Variants in MEI4 observed in about 807,000 individuals in gnomAD.
The protein encoded by MEI4 is meiosis-specific protein MEI4.
A neutral mutation model predicts 31.4 loss-of-function variants in MEI4; 27 were observed. That is an observed-to-expected ratio of 0.86 (90% CI 0.63 to 1.19). The LOEUF (loss-of-function observed/expected upper bound fraction) is 1.19, where lower values mean the gene tolerates loss of function less well. Among genes scored for constraint, MEI4 ranks in the 50% most tolerant of loss-of-function variants. The pLI, the probability that MEI4 is intolerant of heterozygous loss-of-function variation, is 0.00. For missense variants in MEI4, 329 were observed against 398.9 expected, an observed-to-expected ratio of 0.82 and a Z score of 1.49; for synonymous variants, 122 against 145.4, an observed-to-expected ratio of 0.84 and a Z score of 1.16.
intron 4 of MEI4, among the ~76,000 whole-genome samples, chr6:77,880,621 C>T (rs1346763842): frequency 2.0e-5 from 3 of 152,156 alleles, no homozygotes; most frequent in East Asian, 3.9e-4. Context: ...TTTTTGCTTA[C>T]TCTGAAAGAA....
intron 3 of MEI4, among the ~76,000 whole-genome samples, chr6:77,796,561 A>G (rs1769081337): frequency 6.6e-6 from 1 of 152,204 alleles, no homozygotes; most frequent in African/African-American, 2.4e-5. Context: ...GTGCTTCTAT[A>G]CACTAACAAC....
chr6:77,693,397 C>A (rs1769196426), intron 2 of MEI4, among the ~76,000 whole-genome samples: 2 of 152,036 alleles, frequency 1.3e-5, no homozygotes, highest in African/African-American at 2.4e-5. Context: ...ATCCAAGGGT[C>A]TATTCATAAT....
intron 2 of MEI4, among the ~76,000 whole-genome samples, chr6:77,732,040 A>G (rs1355948359): frequency 2.7e-5 from 4 of 148,328 alleles, no homozygotes; most frequent in African/African-American, 5.1e-5. Flanking sequence ...GCTTTGTAGT[A>G]TAGTTTGAAG....
chr6:77,715,702 G>A (rs1430334691), intron 2 of MEI4, among the ~76,000 whole-genome samples: 3 of 152,276 alleles, frequency 2.0e-5, no homozygotes, highest in Middle Eastern at 3.4e-3. Context: ...CTTAAAAAGA[G>A]TGTTAGCTAT....
chr6:77,878,643 G>A (rs1289828434), intron 4 of MEI4, among the ~76,000 whole-genome samples: 1 of 45,104 alleles, frequency 2.2e-5, no homozygotes, highest in South Asian at 4.4e-4. Context: ...GTTTGCTGTT[G>A]TATTCTGTTT....
intron 4 of MEI4, among the ~76,000 whole-genome samples, chr6:77,859,210 T>C (rs899454707): frequency 7.2e-5 from 11 of 152,228 alleles, no homozygotes; most frequent in Admixed American, 7.2e-4. Flanking sequence ...TCCCTTTTTA[T>C]GGCTGCATAG....
rs557356577 is a variant in MEI4 at position 77,743,825 on chromosome 6, A to C, written c.233-17305A>C. On this transcript the variant is annotated intron_variant, in intron 2 of 4. Coordinates refer to ENST00000684080, the MANE Select transcript of MEI4 (RefSeq NM_001322247.2). ...TCGTGGTTCACAAAAATCTGCTGTT[A>C]TGCAGCCACCGCTGCTGATACGCAG... Among the ~76,000 whole-genome samples the C allele has an allele frequency of 1.4e-3, 213 of 152,318 alleles. 1 individual carries two copies. The highest frequency in any genetic ancestry group is 4.5e-3 in the African/African-American group (187 of 41,584).
At chr6:77,692,394 T>G (rs1252626171) in intron 2 of MEI4, among the ~76,000 whole-genome samples, 1 of 152,010 alleles carries the variant, frequency 6.6e-6, no homozygotes, top group African/African-American at 2.4e-5. Flanking sequence ...TCAGGTCTCT[T>G]TACTTGTTGC....
chr6:77,901,265 C>T (rs568698400), intron 4 of MEI4, among the ~76,000 whole-genome samples: 3 of 152,060 alleles, frequency 2.0e-5, no homozygotes, highest in Non-Finnish European at 4.4e-5. Context: ...AGGCTAGCAA[C>T]ATTTTTTTGA....
chr6:77,758,725 C>G (rs1430981221), intron 2 of MEI4, among the ~76,000 whole-genome samples: 3 of 152,186 alleles, frequency 2.0e-5, no homozygotes, highest in Non-Finnish European at 4.4e-5. Context: ...CCTATCTTCT[C>G]CAGGGCCATG....
At chr6:77,692,356 G>A (rs934804614) in intron 2 of MEI4, among the ~76,000 whole-genome samples, 5 of 151,952 alleles carry the variant, frequency 3.3e-5, no homozygotes, top group African/African-American at 1.2e-4. Flanking sequence ...TTGAGCTTAT[G>A]TTCACTGAGG....
At chr6:77,705,710 G>A (rs2127658094) in intron 2 of MEI4, among the ~76,000 whole-genome samples, 1 of 152,270 alleles carries the variant, frequency 6.6e-6, no homozygotes, top group South Asian at 2.1e-4. Context: ...ACAGGAAGGG[G>A]AATTATTACA....
chr6:77,737,600 C>T (rs531804854), intron 2 of MEI4, among the ~76,000 whole-genome samples: 3 of 151,986 alleles, frequency 2.0e-5, no homozygotes, highest in South Asian at 4.1e-4. Flanking sequence ...GGAGACCTTT[C>T]TGAGGAAGGG....
At chr6:77,817,209 G>A (rs1392155334) in intron 3 of MEI4, among the ~76,000 whole-genome samples, 1 of 152,024 alleles carries the variant, frequency 6.6e-6, no homozygotes, top group East Asian at 1.9e-4. Flanking sequence ...TATAGGTTAG[G>A]TTCAAATAAG....
intron 3 of MEI4, among the ~76,000 whole-genome samples, chr6:77,808,501 G>A (rs1278290183): frequency 1.3e-5 from 2 of 152,112 alleles, no homozygotes; most frequent in Non-Finnish European, 2.9e-5. Flanking sequence ...GATCAATTAA[G>A]AGACAGTGTA....
intron 4 of MEI4, among the ~76,000 whole-genome samples, chr6:77,844,029 T>A (rs1397532581): frequency 6.6e-6 from 1 of 152,086 alleles, no homozygotes; most frequent in Non-Finnish European, 1.5e-5. Flanking sequence ...TTTTTATCCC[T>A]AAGGAGTTAA....
chr6:77,868,543 A>C (rs1316963539), intron 4 of MEI4, among the ~76,000 whole-genome samples: 1 of 139,176 alleles, frequency 7.2e-6, no homozygotes. Context: ...ATTTCAAGTA[A>C]AATCTCTTAG....
rs141146982 is a variant in MEI4, at chr6:77,900,772, C to G, written c.901-22317C>G. On this transcript the variant is annotated intron_variant, in intron 4 of 4. Coordinates refer to ENST00000684080, the MANE Select transcript of MEI4 (RefSeq NM_001322247.2). The stretch of plus-strand genomic sequence containing the variant: ...TCTTAAAACAATTTTCAGGTATATA[C>G]TTATTGTCATTAACTTTACCATAAT... 9.6e-3 allele frequency among the ~76,000 whole-genome samples: 1,454 copies of G among 152,010 alleles called. 18 individuals are homozygous for G. Among genetic ancestry groups the G allele is most frequent in the African/African-American group, 0.033 (1,352 of 41,534 alleles).
At chr6:77,840,652 G>A (rs1770335779) in intron 4 of MEI4, among the ~76,000 whole-genome samples, 1 of 151,838 alleles carries the variant, frequency 6.6e-6, no homozygotes, top group South Asian at 2.1e-4. Context: ...GATTCATGGG[G>A]TACATGTGCA....
Sources: gnomAD v4.1 joint callset for allele counts (sites outside exome capture counted in the v4.1 genomes callset) on GRCh38, gnomAD v4.1.1 for gene constraint, MANE v1.5 for transcripts, NCBI Gene and HGNC (gene_info 2026-07-23, HGNC 2026-07-21) for gene names.